The following TPP2 variants were observed in gnomAD, a reference collection of about 807,000 sequenced individuals.
The protein encoded by TPP2 is tripeptidyl-peptidase 2.
A neutral mutation model predicts 155.9 loss-of-function variants in TPP2; 34 were observed. That is an observed-to-expected ratio of 0.22 (90% CI 0.17 to 0.29). The LOEUF (loss-of-function observed/expected upper bound fraction) is 0.29. Among genes scored for constraint, TPP2 ranks in the 10% least tolerant of loss-of-function variants. The probability of loss-of-function intolerance (pLI) is 1.00; values close to 1 mark genes in which losing one functional copy is unlikely to be tolerated. For synonymous variants in TPP2, 510 were observed against 529.4 expected, an observed-to-expected ratio of 0.96 and a Z score of 0.50; for missense variants, 1,028 against 1,522.3, an observed-to-expected ratio of 0.68 and a Z score of 5.40.
At chr13:102,640,875 C>T (rs891530213) in intron 16 of TPP2, among the ~76,000 whole-genome samples, 3 of 151,998 alleles carry the variant, frequency 2.0e-5, no homozygotes, top group African/African-American at 7.2e-5. Flanking sequence ...TGGTCTCGAT[C>T]TCTTGACCTC....
At chr13:102,597,641 C>G (rs1879072914) in intron 1 of TPP2, among the ~76,000 whole-genome samples, 1 of 152,202 alleles carries the variant, frequency 6.6e-6, no homozygotes. Context: ...CCCAGCCTGA[C>G]GTTTTTAAAG....
Position 102,663,670 on chromosome 13 carries a change from A to T in TPP2, c.3166A>T (p.Asn1056Tyr). The change falls in exon 26 of 30, where the codon AAC becomes TAC. Residue 1056 changes from asparagine to tyrosine, a missense_variant. Physicochemically the swap from Asn to Tyr is moderately radical, Grantham distance 143 (BLOSUM62 -2). Coordinates refer to ENST00000376052, the MANE Select transcript of TPP2 (RefSeq NM_001330588.2). ...TAGGCTGGATTCTAGTGACATTTAT[A>T]ACGAATTGAAAGAAACATATCCTAA... ...MTKLDSSDIYNELKETYPNYL... is the reference protein window; with the variant it reads ...MTKLDSSDIYYELKETYPNYL... 2.5e-6 allele frequency: 4 copies of T among 1,604,246 alleles called. No individual in the cohort carries two copies. The highest frequency in any genetic ancestry group is 3.4e-6 in the Non-Finnish European group (4 of 1,176,874).
chr13:102,644,851 C>T, intron 18 of TPP2, 58 bp from the exon 19 acceptor site: 1 of 1,574,584 alleles, frequency 6.4e-7, no homozygotes, highest in Non-Finnish European at 8.7e-7. Context: ...ATTTTAGGTA[C>T]AAAATATTGC....
At chr13:102,651,186 G>T (rs553500837) in intron 23 of TPP2, among the ~76,000 whole-genome samples, 173 bp from the exon 24 acceptor site, 7 of 152,322 alleles carry the variant, frequency 4.6e-5, no homozygotes, top group African/African-American at 1.7e-4. Flanking sequence ...TGTAAGGAAT[G>T]AAAGTGGCAA....
At chr13:102,619,769 A>G (rs1881019992) in intron 5 of TPP2, among the ~76,000 whole-genome samples, 1 of 152,244 alleles carries the variant, frequency 6.6e-6, no homozygotes, top group African/African-American at 2.4e-5. Flanking sequence ...GATATTAAAT[A>G]TTAATGCACT....
chr13:102,659,015 ATTC>A (rs1411224588), intron 25 of TPP2, among the ~76,000 whole-genome samples: 3 of 152,186 alleles, frequency 2.0e-5, no homozygotes, highest in Non-Finnish European at 4.4e-5. Context: ...AAAACATGCC[ATTC>A]TTCCACTCCC....
chr13:102,640,148 C>T, intron 15 of TPP2, 122 bp from the exon 16 acceptor site: 2 of 749,388 alleles, frequency 2.7e-6, no homozygotes, highest in Non-Finnish European at 4.1e-6. Flanking sequence ...GTTTTGTAAC[C>T]AGCTTCTAAG....
At chr13:102,660,845 A>G (rs1884164388) in intron 25 of TPP2, among the ~76,000 whole-genome samples, 1 of 152,218 alleles carries the variant, frequency 6.6e-6, no homozygotes, top group African/African-American at 2.4e-5. Context: ...TGGTCAGCTA[A>G]TTTTTAGTTT....
chr13:102,653,923 G>C (rs1883676243), intron 24 of TPP2, among the ~76,000 whole-genome samples: 1 of 152,138 alleles, frequency 6.6e-6, no homozygotes, highest in African/African-American at 2.4e-5. Flanking sequence ...ACACTGTTCA[G>C]TTTGAACACT....
intron 24 of TPP2, 79 bp downstream of exon 24, chr13:102,651,476 C>G (rs1883484645): frequency 7.0e-7 from 1 of 1,437,922 alleles, no homozygotes; most frequent in Non-Finnish European, 9.5e-7. Flanking sequence ...CTATTATAAA[C>G]CTTTTTTTTA....
At chr13:102,607,731 C>T (rs1327151731) in intron 2 of TPP2, 1 of 418,222 alleles carries the variant, frequency 2.4e-6, no homozygotes, top group Admixed American at 2.7e-5. Flanking sequence ...GGATTACAGG[C>T]ATGCGCCATG....
At position 102,673,681 on chromosome 13, in the gene TPP2, T is replaced by C. The variant is rs372969351; in HGVS notation, c.3372-602T>C. ...AAGCTTAGAATCCTGGATCTGCCAC[T>C]TCCTAACTGGAGGACCTTGAACAAA... On this transcript the variant is annotated intron_variant, in intron 27 of 29. Coordinates refer to ENST00000376052, the MANE Select transcript of TPP2 (RefSeq NM_001330588.2). Among the ~76,000 whole-genome samples the C allele has an allele frequency of 1.2e-4, 19 of 152,352 alleles. No homozygotes were observed. The East Asian group carries it at 1.3e-3, about 11-fold the overall frequency.
Position 102,604,914 on chromosome 13 carries a change from T to C in TPP2, c.287T>C (p.Val96Ala). 1.2e-6 allele frequency: 2 copies of C among 1,610,184 alleles called. No homozygotes were observed. The highest frequency in any genetic ancestry group is 1.7e-6 in the Non-Finnish European group (2 of 1,179,032). The change falls in exon 2 of 30, where the codon GTG becomes GCG. Residue 96 changes from valine (V) to alanine (A), a missense_variant. Physicochemically the swap from Val to Ala is moderately conservative, Grantham distance 64. Transcript: ENST00000376052. ...DGEIVGLSGR[V>A]LKIPASWTNP... ...GAGATTGTTGGCCTTTCAGGAAGAG[T>C]GCTTAAGGTGAGACCTTTTGTCTTC...
chr13:102,668,429 T>G (rs767780734), intron 27 of TPP2, among the ~76,000 whole-genome samples: 1 of 152,210 alleles, frequency 6.6e-6, no homozygotes, highest in Non-Finnish European at 1.5e-5. Flanking sequence ...TCTGGCGTAG[T>G]GGTTACTGCT....
chr13:102,630,153 A>C lies in TPP2; in HGVS notation c.1202A>C (p.Lys401Thr). ...MMVAEYSLRE[K>T]LPANQYTWSS... Reference sequence around the variant, plus strand: ...GTTGCTGAGTATTCACTGAGAGAGAAATTACCTGCAAATCAATATACTTGG... The same window carrying C: ...GTTGCTGAGTATTCACTGAGAGAGACATTACCTGCAAATCAATATACTTGG... The change falls in exon 10 of 30, where the codon AAA becomes ACA. Residue 401 changes from lysine to threonine, a missense_variant. Coordinates refer to ENST00000376052, the MANE Select transcript of TPP2 (RefSeq NM_001330588.2). 2 of 1,613,670 alleles carry C rather than the reference A, an allele frequency of 1.2e-6. No individual in the cohort carries two copies. The highest frequency in any genetic ancestry group is 1.7e-6 in the Non-Finnish European group (2 of 1,179,836).
intron 17 of TPP2, among the ~76,000 whole-genome samples, chr13:102,643,613 G>A (rs1038781043): frequency 1.3e-5 from 2 of 152,152 alleles, no homozygotes; most frequent in Non-Finnish European, 2.9e-5. Context: ...AAACATACTA[G>A]TCTGGTAGAT....
chr13:102,599,388 A>AT (rs536299321), intron 1 of TPP2, among the ~76,000 whole-genome samples: 11 of 151,746 alleles, frequency 7.2e-5, no homozygotes, highest in Non-Finnish European at 1.3e-4. Flanking sequence ...AAACGTGAGG[A>AT]TTTTTTTTTC....
At chr13:102,613,281 T>C (rs1330035783) in intron 2 of TPP2, among the ~76,000 whole-genome samples, 1 of 152,200 alleles carries the variant, frequency 6.6e-6, no homozygotes, top group Non-Finnish European at 1.5e-5. Context: ...GTTTTCTGCC[T>C]GGGAAGTAAT....
rs41281652 is a variant in TPP2 at position 102,640,230 on chromosome 13, T to C, written c.1914-40T>C. 159,025 of 1,394,824 alleles carry C rather than the reference T, an allele frequency of 0.11. 10,621 individuals are homozygous for C. Among genetic ancestry groups the C allele is most frequent in the African/African-American group, 0.26 (18,059 of 69,534 alleles). 86.4% of individuals were successfully genotyped at this position (1,394,824 alleles called of 1,614,324 possible). A position where few individuals can be genotyped will look rare whatever the true frequency, so the allele number is the denominator to read the frequency against. On this transcript the variant is annotated intron_variant, in intron 15 of 29. Coordinates refer to ENST00000376052, the MANE Select transcript of TPP2 (RefSeq NM_001330588.2). The stretch of plus-strand genomic sequence containing the variant: ...GAAATCTAGAGTATCTGTGGTCTTA[T>C]AATAAATATATACATTTAATTACTT...
Sources: allele counts gnomAD v4.1 joint callset (sites outside exome capture counted in the v4.1 genomes callset), GRCh38; gene constraint gnomAD v4.1.1; transcripts MANE v1.5; gene names NCBI Gene and HGNC (gene_info 2026-07-23, HGNC 2026-07-21).